IRAK3: variants seen among roughly 807,000 people sequenced by gnomAD.
The protein encoded by IRAK3 is interleukin 1 receptor associated kinase 3, also known as interleukin-1 receptor-associated kinase 3.
In IRAK3, 57 loss-of-function variants were observed where a neutral mutation model predicts 56.6. The observed-to-expected ratio is 1.01, with a 90% confidence interval of 0.81 to 1.26. The LOEUF is 1.26. Ranked by LOEUF, IRAK3 falls within the 50% of genes most tolerant of loss-of-function variation. IRAK3 has a pLI of 0.00. For missense variants in IRAK3, 703 were observed against 719.0 expected, an observed-to-expected ratio of 0.98 and a Z score of 0.25; for synonymous variants, 258 against 255.7, an observed-to-expected ratio of 1.01 and a Z score of -0.09.
chr12:66,236,268 G>T (rs768704206), intron 8 of IRAK3, among the ~76,000 whole-genome samples: 5 of 152,020 alleles, frequency 3.3e-5, no homozygotes, highest in African/African-American at 4.8e-5. Context: ...CTGGGTTCAG[G>T]CCGGGTGAGG....
chr12:66,234,825 G>T (rs1185652511), intron 8 of IRAK3: 1 of 1,603,940 alleles, frequency 6.2e-7, no homozygotes, highest in South Asian at 1.1e-5. Context: ...ATATTTTCTA[G>T]TTCTTGCTTA....
At chr12:66,234,488 C>A (rs1305018920) in intron 8 of IRAK3, 4 of 1,611,594 alleles carry the variant, frequency 2.5e-6, no homozygotes, top group Non-Finnish European at 3.4e-6. Flanking sequence ...AGGATAAAAT[C>A]CGTTTTGTAT....
chr12:66,227,761 CAAAA>C (rs34349535), intron 7 of IRAK3, among the ~76,000 whole-genome samples: 7 of 107,864 alleles, frequency 6.5e-5, no homozygotes, highest in Non-Finnish European at 3.8e-5. Flanking sequence ...GACCTTGTCT[CAAAA>C]AAAAAAAAAA....
chr12:66,228,496 T>C, intron 8 of IRAK3, 126 bp downstream of exon 8: 1 of 742,284 alleles, frequency 1.3e-6, no homozygotes, highest in African/African-American at 1.8e-5. Flanking sequence ...AGAATTCTCA[T>C]CTAGGTATTT....
chr12:66,220,735 C>T (rs967169433), intron 6 of IRAK3, among the ~76,000 whole-genome samples: 15 of 151,694 alleles, frequency 9.9e-5, no homozygotes, highest in Admixed American at 3.9e-4. Context: ...TTAGCCGGGA[C>T]GGTCTCGATC....
rs548229277 is a variant in IRAK3, at chr12:66,247,799, T to A, written c.1419T>A (p.Asn473Lys). Residue 473 changes from asparagine (N) to lysine (K), a missense_variant, in exon 12 of 12, where the codon AAT (asparagine) becomes AAA (lysine). By Grantham distance (94) the Asn-to-Lys change is moderately conservative (BLOSUM62 0). Transcript: ENST00000261233. Reference sequence around the variant, plus strand: ...GTCCTTCTCCTCTATTCCTGGAGAATGTACCAAGTATTCCAGTGGAAGATG... The same window carrying A: ...GTCCTTCTCCTCTATTCCTGGAGAAAGTACCAAGTATTCCAGTGGAAGATG... ...FRCPSPLFLE[N>K]VPSIPVEDDE... The A allele has an allele frequency of 6.2e-7, 1 of 1,613,882 alleles. No homozygotes were observed. The highest frequency in any genetic ancestry group is 1.7e-5 in the Admixed American group (1 of 60,028).
chr12:66,210,313 C>T lies in IRAK3; in HGVS notation c.436+112C>T, dbSNP rs540792858. 145 of 677,470 alleles carry T rather than the reference C, an allele frequency of 2.1e-4. 1 individual carries two copies. The highest frequency in any genetic ancestry group is 8.3e-4 in the East Asian group (30 of 36,186). The allele number at this position is 677,470 out of a possible 1,614,324, so 42.0% of individuals were successfully genotyped here. On this transcript the variant is annotated intron_variant, in intron 4 of 11. Transcript: ENST00000261233. ...CACAATAATCATTTATATTCAAATT[C>T]GGTATAAAATTTCATAGATATTAAA...
intron 1 of IRAK3, chr12:66,196,923 G>A (rs923166407): frequency 3.1e-5 from 48 of 1,534,658 alleles, no homozygotes; most frequent in Non-Finnish European, 3.5e-5. Flanking sequence ...TAATTTTGCA[G>A]GGGTTTTGGC....
At position 66,203,697 on chromosome 12, in the gene IRAK3, T is replaced by G. The variant is rs1592578928; in HGVS notation, c.134-14T>G. 1 of 1,613,016 alleles carries G rather than the reference T, an allele frequency of 6.2e-7. No homozygotes were observed. The highest frequency in any genetic ancestry group is 2.2e-5 in the East Asian group (1 of 44,866). ...ACAGTAAACAATTCTTTGTTTATAT[T>G]GCAATTTCCACAGCAGAGAGACTTT... On this transcript the variant is annotated splice_polypyrimidine_tract_variant and intron_variant, in intron 1 of 11. Transcript: ENST00000261233.
intron 7 of IRAK3, among the ~76,000 whole-genome samples, chr12:66,227,931 T>A (rs2052804851): frequency 2.0e-5 from 3 of 152,240 alleles, no homozygotes; most frequent in South Asian, 4.1e-4. Context: ...CAATTACTCA[T>A]ACTGTTGTAC....
chr12:66,215,323 T>C (rs2052658848), intron 5 of IRAK3, among the ~76,000 whole-genome samples: 1 of 152,186 alleles, frequency 6.6e-6, no homozygotes. Context: ...TTTCTTTCCA[T>C]GAGTCTGAAT....
chr12:66,201,769 T>C (rs959601525), intron 1 of IRAK3, among the ~76,000 whole-genome samples: 3 of 152,244 alleles, frequency 2.0e-5, no homozygotes, highest in Non-Finnish European at 4.4e-5. Flanking sequence ...TCCCTGATTT[T>C]ACCCAGATAT....
intron 8 of IRAK3, among the ~76,000 whole-genome samples, chr12:66,238,120 G>A (rs903565795): frequency 2.6e-5 from 4 of 152,198 alleles, no homozygotes; most frequent in Admixed American, 2.6e-4. Flanking sequence ...TGGCTGCAGA[G>A]AGGACTCAGA....
chr12:66,191,463 A>T (rs749716136), intron 1 of IRAK3, among the ~76,000 whole-genome samples: 1 of 152,162 alleles, frequency 6.6e-6, no homozygotes, highest in Non-Finnish European at 1.5e-5. Context: ...CTATTTTTAT[A>T]TATAAGCTGG....
At chr12:66,197,887 C>T in intron 1 of IRAK3, 4 of 984,346 alleles carry the variant, frequency 4.1e-6, no homozygotes, top group Non-Finnish European at 4.8e-6. Context: ...TGGCCTGCTG[C>T]ACTTTTAAAA....
intron 1 of IRAK3, among the ~76,000 whole-genome samples, chr12:66,202,776 A>G (rs1212392980): frequency 4.0e-5 from 6 of 151,812 alleles, no homozygotes; most frequent in South Asian, 2.1e-4. Context: ...CTGTGCTCCA[A>G]CCTGGGTGAC....
chr12:66,244,299 A>T (rs1232887242), intron 8 of IRAK3, among the ~76,000 whole-genome samples, 187 bp from the exon 9 acceptor site: 1 of 152,264 alleles, frequency 6.6e-6, no homozygotes, highest in African/African-American at 2.4e-5. Flanking sequence ...TAGGTTGCAG[A>T]TAACACTTGG....
chr12:66,239,269 CAAAG>C (rs1379011860), intron 8 of IRAK3, among the ~76,000 whole-genome samples: 15 of 145,924 alleles, frequency 1.0e-4, no homozygotes, highest in Non-Finnish European at 3.0e-5. Flanking sequence ...AGGAAAGAAA[CAAAG>C]AAGAAGCCAT....
At chr12:66,233,561 G>T (rs1341684013) in intron 8 of IRAK3, among the ~76,000 whole-genome samples, 1 of 151,246 alleles carries the variant, frequency 6.6e-6, no homozygotes, top group Non-Finnish European at 1.5e-5. Flanking sequence ...AGACACTGAC[G>T]GCAACACTGA....
Sources: allele counts gnomAD v4.1 joint callset (sites outside exome capture counted in the v4.1 genomes callset), GRCh38; gene constraint gnomAD v4.1.1; transcripts MANE v1.5; gene names NCBI Gene and HGNC (gene_info 2026-07-23, HGNC 2026-07-21).